The following IRGC variants were observed in gnomAD, a reference collection of about 807,000 sequenced individuals.
IRGC encodes interferon-inducible GTPase 5.
A neutral mutation model predicts 16.1 loss-of-function variants in IRGC; 4 were observed. The ratio of observed to expected loss-of-function variants is 0.25; its 90% CI spans 0.12 to 0.57. IRGC has a LOEUF of 0.57. IRGC is among the 20% of genes least tolerant of loss of function. IRGC has a pLI of 0.92. For synonymous variants in IRGC, 307 were observed against 299.5 expected, an observed-to-expected ratio of 1.03 and a Z score of -0.26; for missense variants, 570 against 643.9, an observed-to-expected ratio of 0.89 and a Z score of 1.24.
In IRGC at chr19:43,719,678, G is replaced by A. The variant is rs1213734651; in HGVS notation, c.1120G>A (p.Gly374Ser). ...CCCTGTGTTTGGGACGCTGGTGGCTGGCGGCATCAGCTTTGGCGCTGTCTA... is the reference window on the plus strand; with the variant it reads ...CCCTGTGTTTGGGACGCTGGTGGCTAGCGGCATCAGCTTTGGCGCTGTCTA... Reference protein sequence around the residue: ...GIPVFGTLVAGGISFGAVYTM... With the variant: ...GIPVFGTLVASGISFGAVYTM... Residue 374 changes from glycine (G) to serine (S), a missense_variant, in exon 2 of 2, where the codon GGC becomes AGC. Transcript: ENST00000244314. 1 of 1,610,536 alleles carries A rather than the reference G, an allele frequency of 6.2e-7. No homozygotes were observed.
chr19:43,717,443 G>C (rs934904260), intron 1 of IRGC, among the ~76,000 whole-genome samples: 1 of 152,202 alleles, frequency 6.6e-6, no homozygotes, highest in Non-Finnish European at 1.5e-5. Context: ...ACTCATTCAA[G>C]TCACAGAGAT....
intron 1 of IRGC, among the ~76,000 whole-genome samples, chr19:43,717,696 G>A (rs527937282): frequency 4.6e-4 from 70 of 152,240 alleles, no homozygotes; most frequent in Admixed American, 3.4e-3. Context: ...ATGCAGCCCT[G>A]GCTATGTAAT....
rs753339142 is a variant in IRGC at position 43,718,741 on chromosome 19, C to T, written c.183C>T (p.Gly61=). Residue 61 remains glycine (G), a synonymous_variant, in exon 2 of 2, where the codon GGC becomes GGT. Transcript: ENST00000244314. ...ESIRLEVGVT[G]ESGAGKSSLI... Reference sequence around the variant, plus strand: ...TCCGCCTGGAGGTGGGCGTCACGGGCGAGTCGGGCGCGGGCAAGTCCTCCC... The same window carrying T: ...TCCGCCTGGAGGTGGGCGTCACGGGTGAGTCGGGCGCGGGCAAGTCCTCCC... 19 of 1,612,612 alleles carry T rather than the reference C, an allele frequency of 1.2e-5. No homozygotes were observed. The highest frequency in any genetic ancestry group is 6.7e-5 in the East Asian group (3 of 44,884).
chr19:43,719,229 A>T lies in IRGC; in HGVS notation c.671A>T (p.Asp224Val), dbSNP rs750213262. 4.3e-6 allele frequency: 7 copies of T among 1,609,666 alleles called. No homozygotes were observed. In the East Asian group the frequency reaches 1.6e-4, roughly 36 times the overall value. ...TCCAACCTCTCGCCGGCCCGCTACG[A>T]CTTTCCCACGCTGGTGTCCACCTGG... ...LVSNLSPARYDFPTLVSTWEH... is the reference protein window; with the variant it reads ...LVSNLSPARYVFPTLVSTWEH... The change falls in exon 2 of 2, where the codon GAC becomes GTC. Residue 224 changes from aspartate to valine, a missense_variant. Asp to Val is a radical substitution (Grantham distance 152). Transcript: ENST00000244314.
In IRGC at chr19:43,719,375, G is replaced by A. The variant is rs1003443833; in HGVS notation, c.817G>A (p.Val273Met). Residue 273 changes from valine (V) to methionine (M), a missense_variant, in exon 2 of 2, where the codon GTG (valine) becomes ATG (methionine). Physicochemically the swap from Val to Met is conservative, Grantham distance 21 (BLOSUM62 1). Transcript: ENST00000244314. ...AGAGCAAGTCCTCAAGACCGCCCTGGTGTTGGGCGTCATCCAGGCCCTGCC... is the reference window on the plus strand; with the variant it reads ...AGAGCAAGTCCTCAAGACCGCCCTGATGTTGGGCGTCATCCAGGCCCTGCC... ...LQEQVLKTAL[V>M]LGVIQALPVP... The A allele has an allele frequency of 6.2e-7, 1 of 1,611,806 alleles. No homozygotes were observed. Among genetic ancestry groups the A allele is most frequent in the African/African-American group, 1.3e-5 (1 of 75,036 alleles).
Position 43,719,900 on chromosome 19 carries a change from C to A in IRGC, c.1342C>A (p.Leu448Ile). The part of the protein sequence containing the change: ...LSTCRKLGLL[L>I]KYILDSWKKH... The stretch of plus-strand genomic sequence containing the variant: ...AACCTGCAGGAAGCTCGGCCTCCTT[C>A]TTAAGTACATTCTGGACAGCTGGAA... The change falls in exon 2 of 2, where the codon CTT becomes ATT. Residue 448 changes from leucine to isoleucine, a missense_variant. Leu to Ile is a conservative substitution (Grantham distance 5). Coordinates refer to ENST00000244314, the MANE Select transcript of IRGC (RefSeq NM_019612.4). 3.1e-6 allele frequency: 5 copies of A among 1,613,480 alleles called. No homozygotes were observed. The highest frequency in any genetic ancestry group is 4.2e-6 in the Non-Finnish European group (5 of 1,179,844).
chr19:43,719,343 T>C lies in IRGC; in HGVS notation c.785T>C (p.Met262Thr). The C allele has an allele frequency of 1.2e-6, 2 of 1,612,286 alleles. No homozygotes were observed. Among genetic ancestry groups the C allele is most frequent in the Middle Eastern group, 1.7e-4 (1 of 6,058 alleles). ...SLEALQKKKA[M>T]LQEQVLKTAL... is the part of the protein sequence containing the mutation. ...GAGGCCTTGCAGAAGAAGAAGGCCA[T>C]GCTTCAAGAGCAAGTCCTCAAGACC... The change falls in exon 2 of 2, where the codon ATG becomes ACG. Residue 262 changes from methionine to threonine, a missense_variant. Coordinates refer to ENST00000244314, the MANE Select transcript of IRGC (RefSeq NM_019612.4).
chr19:43,720,010 A>C lies in IRGC; in HGVS notation c.*60A>C. On this transcript the variant is annotated 3_prime_UTR_variant, in exon 2 of 2. Coordinates refer to ENST00000244314, the MANE Select transcript of IRGC (RefSeq NM_019612.4). ...ACTAAGTCTTAACAAAATCCAAATTACCAACAAAAAAGGCCGATGTGGTGA... is the reference window on the plus strand; with the variant it reads ...ACTAAGTCTTAACAAAATCCAAATTCCCAACAAAAAAGGCCGATGTGGTGA... 6.3e-7 allele frequency: 1 copy of C among 1,575,604 alleles called. No homozygotes were observed. The highest frequency in any genetic ancestry group is 8.7e-7 in the Non-Finnish European group (1 of 1,155,154).
Position 43,719,066 on chromosome 19 carries a change from G to A in IRGC, c.508G>A (p.Val170Met). The change falls in exon 2 of 2, where the codon GTG (valine) becomes ATG (methionine). Residue 170 changes from valine to methionine, a missense_variant. By Grantham distance (21) the Val-to-Met change is conservative. Transcript: ENST00000244314. ...GAAGTTCTACTTTGTGCGCACCAAG[G>A]TGGACGAGGACCTGGCGGCCACGCG... ...GKKFYFVRTK[V>M]DEDLAATRTQ... The A allele has an allele frequency of 1.2e-6, 2 of 1,612,222 alleles. No homozygotes were observed. Among genetic ancestry groups the A allele is most frequent in the Non-Finnish European group, 1.7e-6 (2 of 1,179,474 alleles).
intron 1 of IRGC, among the ~76,000 whole-genome samples, chr19:43,716,557 C>T (rs544496972): frequency 8.5e-5 from 13 of 152,180 alleles, no homozygotes; most frequent in African/African-American, 2.9e-4. Flanking sequence ...AGGCTGGTCT[C>T]GAACTCCTGA....
Position 43,719,610 on chromosome 19 carries a change from CCGA to C in IRGC, c.1055_1057del (p.Asp352del). 1.2e-6 allele frequency: 2 copies of C among 1,603,426 alleles called. No homozygotes were observed. Among genetic ancestry groups the C allele is most frequent in the Middle Eastern group, 1.6e-4 (1 of 6,062 alleles). Reference sequence around the variant, plus strand: ...GTCCTGCGGCTCTATTCCCAGTCGTCCGACGGCGCCATGCGGGTGGCCCGCGCC... The same window carrying C: ...GTCCTGCGGCTCTATTCCCAGTCGTCCGGCGCCATGCGGGTGGCCCGCGCC... On this transcript the variant is annotated inframe_deletion, in exon 2 of 2. Transcript: ENST00000244314.
rs1568586292 is a variant in IRGC, at chr19:43,719,026, C to A, written c.468C>A (p.Ile156=). ...GAVETRLAAE[I]LCQGKKFYFV... is the part of the protein sequence containing the mutation. ...TCGAGACCCGCCTGGCCGCTGAGAT[C>A]CTGTGCCAGGGCAAGAAGTTCTACT... Residue 156 remains isoleucine (I), a synonymous_variant, in exon 2 of 2, where the codon ATC becomes ATA. Coordinates refer to ENST00000244314, the MANE Select transcript of IRGC (RefSeq NM_019612.4). The A allele has an allele frequency of 6.2e-7, 1 of 1,612,706 alleles. No homozygotes were observed. Among genetic ancestry groups the A allele is most frequent in the Non-Finnish European group, 8.5e-7 (1 of 1,179,848 alleles).
At position 43,719,434 on chromosome 19, in the gene IRGC, G is replaced by T. The variant is rs549975409; in HGVS notation, c.876G>T (p.Ala292=). ...GGCTGGCGGCCGCCTACGATGATGC[G>T]TTGCTCATCCACTCACTGCGTGGCT... ...VPGLAAAYDD[A]LLIHSLRGYH... Residue 292 remains alanine (A), a synonymous_variant, in exon 2 of 2, where the codon GCG becomes GCT. Transcript: ENST00000244314. The T allele has an allele frequency of 8.1e-6, 13 of 1,603,680 alleles. No homozygotes were observed. Among genetic ancestry groups the T allele is most frequent in the Non-Finnish European group, 1.0e-5 (12 of 1,174,568 alleles).
At position 43,719,965 on chromosome 19, in the gene IRGC, C is replaced by T. The variant is rs748550509; in HGVS notation, c.*15C>T. The T allele has an allele frequency of 6.2e-7, 1 of 1,610,776 alleles. No individual in the cohort carries two copies. The highest frequency in any genetic ancestry group is 8.5e-7 in the Non-Finnish European group (1 of 1,179,142). Reference sequence around the variant, plus strand: ...AAGAGAAATAAAGAGTGCAGCCCCGCCCCCCTGCCTCACCCACAAACTAAG... The same window carrying T: ...AAGAGAAATAAAGAGTGCAGCCCCGTCCCCCTGCCTCACCCACAAACTAAG... On this transcript the variant is annotated 3_prime_UTR_variant, in exon 2 of 2. Transcript: ENST00000244314.
chr19:43,718,391 C>A, intron 1 of IRGC, 102 bp from the exon 2 acceptor site: 2 of 1,323,366 alleles, frequency 1.5e-6, no homozygotes, highest in Non-Finnish European at 2.0e-6. Context: ...AAAAAGAGAG[C>A]TGTGGGCTTC....
Position 43,719,449 on chromosome 19 carries a change from A to C in IRGC, c.891A>C (p.Ser297=). 6.9e-6 allele frequency: 11 copies of C among 1,601,612 alleles called. No individual in the cohort carries two copies. Among genetic ancestry groups the C allele is most frequent in the Non-Finnish European group, 9.4e-6 (11 of 1,174,052 alleles). The change falls in exon 2 of 2, where the codon TCA becomes TCC. Residue 297 remains serine, a synonymous_variant. Transcript: ENST00000244314. Reference sequence around the variant, plus strand: ...ACGATGATGCGTTGCTCATCCACTCACTGCGTGGCTACCACCGCAGCTTTG... The same window carrying C: ...ACGATGATGCGTTGCTCATCCACTCCCTGCGTGGCTACCACCGCAGCTTTG... ...AAYDDALLIH[S]LRGYHRSFGL...
chr19:43,719,931 A>T lies in IRGC; in HGVS notation c.1373A>T (p.His458Leu), dbSNP rs1751574960. Residue 458 changes from histidine to leucine, a missense_variant, in exon 2 of 2, where the codon CAC becomes CTC. His to Leu is a moderately conservative substitution (Grantham distance 99, BLOSUM62 -3). Transcript: ENST00000244314. ...TACATTCTGGACAGCTGGAAGAAAC[A>T]CGACTCAGAAGAGAAATAAAGAGTG... is the stretch of plus-strand genomic sequence containing the variant. ...LKYILDSWKK[H>L]DSEEK is the part of the protein sequence containing the mutation. The T allele has an allele frequency of 6.2e-7, 1 of 1,613,420 alleles. No individual in the cohort carries two copies. The highest frequency in any genetic ancestry group is 8.5e-7 in the Non-Finnish European group (1 of 1,180,042).
In IRGC at chr19:43,719,980, C is replaced by A; in HGVS notation, c.*30C>A. 6.2e-7 allele frequency: 1 copy of A among 1,609,516 alleles called. No homozygotes were observed. Among genetic ancestry groups the A allele is most frequent in the South Asian group, 1.1e-5 (1 of 90,824 alleles). On this transcript the variant is annotated 3_prime_UTR_variant, in exon 2 of 2. Transcript: ENST00000244314. ...TGCAGCCCCGCCCCCCTGCCTCACC[C>A]ACAAACTAAGTCTTAACAAAATCCA...
chr19:43,719,155 C>G lies in IRGC; in HGVS notation c.597C>G (p.Ala199=). 6.2e-7 allele frequency: 1 copy of G among 1,609,962 alleles called. No individual in the cohort carries two copies. Among genetic ancestry groups the G allele is most frequent in the Non-Finnish European group, 8.5e-7 (1 of 1,179,694 alleles). The change falls in exon 2 of 2, where the codon GCC becomes GCG. Residue 199 remains alanine, a synonymous_variant. Transcript: ENST00000244314. ...AVLQEIRDHC[A]ERLREAGVAD... is the part of the protein sequence containing the mutation. ...TGCAGGAGATCCGAGACCACTGTGC[C>G]GAGCGGCTGCGGGAGGCCGGCGTGG...
Sources: allele counts gnomAD v4.1 joint callset (sites outside exome capture counted in the v4.1 genomes callset), GRCh38; gene constraint gnomAD v4.1.1; transcripts MANE v1.5; gene names NCBI Gene and HGNC (gene_info 2026-07-23, HGNC 2026-07-21).